The following WLS variants were observed in gnomAD, a reference collection of about 807,000 sequenced individuals.
WLS encodes the protein Wnt ligand secretion mediator.
WLS carries 23 observed loss-of-function variants against 62.8 expected under a neutral mutation model. That is an observed-to-expected ratio of 0.37 (90% confidence interval 0.26 to 0.52). WLS has a LOEUF of 0.52. WLS is among the 20% of genes least tolerant of loss of function. WLS has a pLI of 0.92. For missense variants in WLS, 615 were observed against 697.3 expected, an observed-to-expected ratio of 0.88 and a Z score of 1.33; for synonymous variants, 246 against 244.1, an observed-to-expected ratio of 1.01 and a Z score of -0.07.
intron 1 of WLS, among the ~76,000 whole-genome samples, chr1:68,198,740 A>G (rs1477812194): frequency 6.6e-6 from 1 of 152,254 alleles, no homozygotes; most frequent in East Asian, 1.9e-4. Flanking sequence ...GATGAATGTT[A>G]TATGTAACCT....
At chr1:68,111,107 C>G (rs537759032) in intron 11 of WLS, among the ~76,000 whole-genome samples, 11 of 152,154 alleles carry the variant, frequency 7.2e-5, no homozygotes, top group African/African-American at 2.7e-4. Context: ...TAATCTTGAC[C>G]GTGGTCTTAA....
At chr1:68,186,976 C>T (rs1267017775) in intron 2 of WLS, among the ~76,000 whole-genome samples, 2 of 151,736 alleles carry the variant, frequency 1.3e-5, no homozygotes, top group Admixed American at 6.6e-5. Context: ...TTTTGGGAGG[C>T]CGAGGCGGGC....
intron 10 of WLS, among the ~76,000 whole-genome samples, chr1:68,140,877 A>T (rs1056088796): frequency 2.0e-5 from 3 of 152,148 alleles, no homozygotes; most frequent in African/African-American, 7.2e-5. Flanking sequence ...TCAACAGAGC[A>T]GGCCTTGTAA....
At chr1:68,205,945 G>T (rs1489530675) in intron 1 of WLS, among the ~76,000 whole-genome samples, 1 of 152,206 alleles carries the variant, frequency 6.6e-6, no homozygotes, top group Non-Finnish European at 1.5e-5. Context: ...AATCTTCTTG[G>T]TGTTGAAGGA....
rs1646422345 is a variant in WLS at position 68,125,881 on chromosome 1, G to T, written c.*345C>A. On this transcript the variant is annotated 3_prime_UTR_variant, in exon 12 of 12. Coordinates refer to ENST00000262348, the MANE Select transcript of WLS (RefSeq NM_024911.7). ...TGTCAAATATTCCACTCCCCATTCG[G>T]CCCAAACCATCCCCCAAGGAATACA... The T allele has an allele frequency of 1.9e-6, 2 of 1,058,772 alleles. No individual in the cohort carries two copies. Among genetic ancestry groups the T allele is most frequent in the Non-Finnish European group, 2.3e-6 (2 of 876,636 alleles). 65.6% of individuals were successfully genotyped at this position (1,058,772 alleles called of 1,614,324 possible).
intron 1 of WLS, among the ~76,000 whole-genome samples, chr1:68,219,617 C>G (rs564453681): frequency 1.1e-4 from 16 of 152,272 alleles, no homozygotes; most frequent in Admixed American, 2.0e-4. Flanking sequence ...ATCTATTCAC[C>G]TCTTCAACAG....
At chr1:68,101,391 C>T (rs1570785737) in intron 11 of WLS, among the ~76,000 whole-genome samples, 1 of 152,184 alleles carries the variant, frequency 6.6e-6, no homozygotes, top group East Asian at 1.9e-4. Flanking sequence ...AGGAGGCCGC[C>T]CCAGAAAGGC....
chr1:68,191,011 T>C (rs1648265850), intron 2 of WLS, among the ~76,000 whole-genome samples: 1 of 147,596 alleles, frequency 6.8e-6, no homozygotes, highest in South Asian at 2.1e-4. Context: ...TGAGCCAAGA[T>C]CGTACCATTG....
chr1:68,191,648 T>A (rs573127280), intron 2 of WLS, among the ~76,000 whole-genome samples: 2 of 152,324 alleles, frequency 1.3e-5, no homozygotes, highest in African/African-American at 4.8e-5. Context: ...TAATAAAGTT[T>A]AAATGAACTC....
In WLS at chr1:68,161,954, G is replaced by A. The variant is rs1646982187; in HGVS notation, c.380-2707C>T. On this transcript the variant is annotated intron_variant, in intron 2 of 11. Coordinates refer to ENST00000262348, the MANE Select transcript of WLS (RefSeq NM_024911.7). ...GGATATCTGTATGTGGCACCATTGA[G>A]CTCAGGATGAATTGCTTGCTGGTCT... is the stretch of plus-strand genomic sequence containing the variant. 7 of 1,609,916 alleles carry A rather than the reference G, an allele frequency of 4.3e-6. No homozygotes were observed. In the Admixed American group the frequency reaches 5.0e-5, roughly 12 times the overall value.
intron 2 of WLS, among the ~76,000 whole-genome samples, chr1:68,188,753 T>C (rs1458161123): frequency 1.3e-5 from 2 of 152,100 alleles, no homozygotes; most frequent in African/African-American, 4.8e-5. Context: ...AGGGAGAAAC[T>C]CTCTGGATGT....
chr1:68,179,260 C>T (rs980410054), intron 2 of WLS, among the ~76,000 whole-genome samples: 1 of 152,132 alleles, frequency 6.6e-6, no homozygotes, highest in Non-Finnish European at 1.5e-5. Flanking sequence ...GTCAGAGAAT[C>T]TTAAGTGAGT....
chr1:68,132,385 A>C (rs1553126161), intron 11 of WLS, among the ~76,000 whole-genome samples: 1 of 152,196 alleles, frequency 6.6e-6, no homozygotes, highest in Non-Finnish European at 1.5e-5. Flanking sequence ...TCAGCTGGCC[A>C]TGGGCAGATC....
intron 1 of WLS, among the ~76,000 whole-genome samples, chr1:68,213,996 T>C (rs747779377): frequency 2.0e-5 from 3 of 152,212 alleles, no homozygotes; most frequent in Admixed American, 6.5e-5. Context: ...AAAGCTTCTC[T>C]TCTGCCTTCA....
chr1:68,107,840 G>A (rs1646168546), intron 11 of WLS, among the ~76,000 whole-genome samples: 1 of 152,114 alleles, frequency 6.6e-6, no homozygotes, highest in Admixed American at 6.5e-5. Flanking sequence ...GCAGCACAGA[G>A]ATTCAGACCC....
rs112862222 is a variant in WLS at position 68,161,359 on chromosome 1, CA to C, written c.380-2113del. ...CCCTGTAGACTTAAGGGACTCAAGT[CA>C]CAGGATGGGGATATCCTCTTAATAT... On this transcript the variant is annotated intron_variant, in intron 2 of 11. Coordinates refer to ENST00000262348, the MANE Select transcript of WLS (RefSeq NM_024911.7). Among the ~76,000 whole-genome samples the C allele has an allele frequency of 3.3e-4, 50 of 152,312 alleles. 1 individual carries two copies. Among genetic ancestry groups the C allele is most frequent in the African/African-American group, 1.2e-3 (50 of 41,556 alleles).
chr1:68,099,340 G>A (rs968966406), intron 11 of WLS, among the ~76,000 whole-genome samples: 4 of 152,194 alleles, frequency 2.6e-5, no homozygotes, highest in African/African-American at 9.7e-5. Flanking sequence ...AAAGCTGAAA[G>A]CTGAGCCTAG....
intron 11 of WLS, among the ~76,000 whole-genome samples, chr1:68,102,473 C>T (rs543233989): frequency 2.4e-4 from 36 of 152,226 alleles, no homozygotes; most frequent in Admixed American, 4.6e-4. Context: ...TGCATCTGAC[C>T]TCCATGTTTC....
chr1:68,179,601 G>A (rs967888123), intron 2 of WLS, among the ~76,000 whole-genome samples: 1 of 152,148 alleles, frequency 6.6e-6, no homozygotes, highest in South Asian at 2.1e-4. Flanking sequence ...CCAGAAATCA[G>A]CTGGAGGGAT....
Sources: allele counts gnomAD v4.1 joint callset (sites outside exome capture counted in the v4.1 genomes callset), GRCh38; gene constraint gnomAD v4.1.1; transcripts MANE v1.5; gene names NCBI Gene and HGNC (gene_info 2026-07-23, HGNC 2026-07-21).